Variants in EVL observed in about 807,000 individuals in gnomAD.
EVL encodes the protein ena/VASP-like protein.
Under a neutral mutation model 59.6 loss-of-function variants are expected in EVL, and 21 were observed. That is an observed-to-expected ratio of 0.35 (90% confidence interval 0.25 to 0.51). The LOEUF (loss-of-function observed/expected upper bound fraction) is 0.51. Among genes scored for constraint, EVL ranks in the 20% least tolerant of loss-of-function variants. The pLI is 0.97. For missense variants in EVL, 462 were observed against 546.6 expected, an observed-to-expected ratio of 0.85 and a Z score of 1.54; for synonymous variants, 198 against 203.5, an observed-to-expected ratio of 0.97 and a Z score of 0.23.
rs2061540715 is a variant in EVL at position 100,046,022 on chromosome 14, AT to A, written c.6-38661del. ...CTTCAGAAGAGACCTGTTTGATTTG[AT>A]TTTCCCCCATTTTGTCATTGGAAAA... is the stretch of plus-strand genomic sequence containing the variant. On this transcript the variant is annotated intron_variant, in intron 1 of 13. Transcript: ENST00000402714. 2.0e-5 allele frequency among the ~76,000 whole-genome samples: 3 copies of A among 152,044 alleles called. No homozygotes were observed. The South Asian group carries it at 6.2e-4, about 32-fold the overall frequency.
chr14:99,978,799 T>C (rs1189717892), intron 1 of EVL, among the ~76,000 whole-genome samples: 22 of 152,250 alleles, frequency 1.4e-4, no homozygotes, highest in Admixed American at 1.4e-3. Flanking sequence ...AGTACGTAGA[T>C]ATGACCTATT....
chr14:100,124,227 C>G (rs1217318766), intron 4 of EVL, among the ~76,000 whole-genome samples: 1 of 152,224 alleles, frequency 6.6e-6, no homozygotes, highest in Non-Finnish European at 1.5e-5. Flanking sequence ...GAGGTAGGGC[C>G]TGGCCCGGGC....
At chr14:99,978,956 C>T (rs2060788535) in intron 1 of EVL, among the ~76,000 whole-genome samples, 1 of 152,202 alleles carries the variant, frequency 6.6e-6, no homozygotes, top group South Asian at 2.1e-4. Flanking sequence ...ATTGAATCGA[C>T]TTATTCAAAT....
chr14:100,006,026 A>G (rs891169884), intron 1 of EVL, among the ~76,000 whole-genome samples: 1 of 94,196 alleles, frequency 1.1e-5, no homozygotes, highest in African/African-American at 3.8e-5. Context: ...CCCCCCCCAC[A>G]CCGACAACAC....
At position 100,130,210 on chromosome 14, in the gene EVL, C is replaced by T. The variant is rs538336658; in HGVS notation, c.839+526C>T. Among the ~76,000 whole-genome samples, 1 of 152,312 alleles carries T rather than the reference C, an allele frequency of 6.6e-6. No individual in the cohort carries two copies. The highest frequency in any genetic ancestry group is 6.5e-5 in the Admixed American group (1 of 15,306). On this transcript the variant is annotated intron_variant, in intron 7 of 13. Coordinates refer to ENST00000392920, the MANE Select transcript of EVL (RefSeq NM_016337.3). This position sits in a 1 kb window ranked among gnomAD's most constrained non-coding sequence, Gnocchi z 4.8. ...TAGTTCCATCTACATCCCGGCCGGG[C>T]TCTTGGGCCTGAGACCTGGCCATGT...
chr14:99,987,898 C>G (rs959465081), intron 1 of EVL, among the ~76,000 whole-genome samples: 1 of 145,704 alleles, frequency 6.9e-6, no homozygotes, highest in Non-Finnish European at 1.5e-5. Flanking sequence ...AATGAAAAGA[C>G]AACCCAATTT....
At chr14:100,056,368 T>C (rs2061733060) in intron 1 of EVL, among the ~76,000 whole-genome samples, 1 of 152,068 alleles carries the variant, frequency 6.6e-6, no homozygotes. Flanking sequence ...GTTCTCTATT[T>C]CAGCAATTAT....
intron 1 of EVL, among the ~76,000 whole-genome samples, chr14:100,003,756 G>T (rs992255048): frequency 1.3e-5 from 2 of 152,086 alleles, no homozygotes; most frequent in Non-Finnish European, 2.9e-5. Context: ...TTTAATCTCA[G>T]TTTTTTCCTA....
intron 3 of EVL, among the ~76,000 whole-genome samples, chr14:100,102,976 C>T (rs1406849782): frequency 6.6e-6 from 1 of 151,866 alleles, no homozygotes; most frequent in African/African-American, 2.4e-5. Flanking sequence ...GTGGCGTGCA[C>T]CTCTAGTCCC....
At chr14:100,044,160 A>G (rs1344342661) in intron 1 of EVL, among the ~76,000 whole-genome samples, 2 of 152,180 alleles carry the variant, frequency 1.3e-5, no homozygotes, top group East Asian at 1.9e-4. Flanking sequence ...TCCTCTTTCT[A>G]TAATGGTTTA....
intron 2 of EVL, among the ~76,000 whole-genome samples, chr14:100,089,130 T>G (rs2062509854): frequency 6.6e-6 from 1 of 152,186 alleles, no homozygotes; most frequent in Non-Finnish European, 1.5e-5. Flanking sequence ...CATTCATATA[T>G]CTTCAAAACA....
intron 1 of EVL, chr14:99,977,984 C>G (rs1566960735): frequency 6.6e-6 from 1 of 151,948 alleles, no homozygotes. Context: ...GTAATCCCAG[C>G]TACTCAGGAG....
At chr14:100,065,265 G>T, upstream of EVL, 1 of 261,766 alleles carries the variant, frequency 3.8e-6, no homozygotes, top group Non-Finnish European at 7.0e-6. Context: ...GCCCACGCTG[G>T]TGGGGCTCTG....
intron 4 of EVL, among the ~76,000 whole-genome samples, chr14:100,126,049 C>G (rs1888050778): frequency 6.6e-6 from 1 of 152,176 alleles, no homozygotes; most frequent in Non-Finnish European, 1.5e-5. Context: ...TAAAGTGCCT[C>G]CCACTCCAGA....
chr14:100,032,241 A>C (rs58953097), intron 1 of EVL, among the ~76,000 whole-genome samples: 9,770 of 152,302 alleles, frequency 0.064, 464 homozygotes, highest in East Asian at 0.18. Flanking sequence ...CACAGAATGA[A>C]GATTGTGTAC....
Position 100,109,395 on chromosome 14 carries a change from A to C in EVL, c.358+11737A>C, listed in dbSNP as rs1886799881. Reference sequence around the variant, plus strand: ...AGGCACCCCTTCCCAGTCCTCGCACACTGTTGGTGTCCCATTTGTTTGGAC... The same window carrying C: ...AGGCACCCCTTCCCAGTCCTCGCACCCTGTTGGTGTCCCATTTGTTTGGAC... On this transcript the variant is annotated intron_variant, in intron 3 of 13. Transcript: ENST00000392920. The surrounding 1 kb of genome is among the most constrained non-coding windows in gnomAD (Gnocchi z 4.3). 1 of 360,928 alleles carries C rather than the reference A, an allele frequency of 2.8e-6. No individual in the cohort carries two copies. The allele number at this position is 360,928 out of a possible 1,614,324, so 22.4% of individuals were successfully genotyped here.
chr14:100,052,396 A>G (rs942319162), intron 1 of EVL, among the ~76,000 whole-genome samples: 4 of 152,194 alleles, frequency 2.6e-5, no homozygotes, highest in African/African-American at 9.7e-5. Flanking sequence ...ATGTTTCTAA[A>G]TATTACATCT....
chr14:100,113,831 G>C (rs1256880098), intron 3 of EVL, among the ~76,000 whole-genome samples: 5 of 152,162 alleles, frequency 3.3e-5, no homozygotes, highest in Non-Finnish European at 7.4e-5. Flanking sequence ...GGGAGCAGCA[G>C]TCAGGGCACC....
chr14:100,138,634 G>C (rs1288621121), intron 11 of EVL: 1 of 152,808 alleles, frequency 6.5e-6, no homozygotes, highest in Non-Finnish European at 1.5e-5. Context: ...TTAGCAGTCA[G>C]CTGGGGTTTG....
Sources: gnomAD v4.1 joint callset for allele counts (sites outside exome capture counted in the v4.1 genomes callset) on GRCh38, gnomAD v4.1.1 for gene constraint, Gnocchi (gnomAD v3.1) non-coding constraint, MANE v1.5 for transcripts, NCBI Gene and HGNC (gene_info 2026-07-23, HGNC 2026-07-21) for gene names.